The following OARD1 variants were observed in gnomAD, a reference collection of about 807,000 sequenced individuals.
OARD1 encodes the protein ADP-ribose glycohydrolase OARD1.
Under a neutral mutation model 19.7 loss-of-function variants are expected in OARD1, and 19 were observed. That is an observed-to-expected ratio of 0.96 (90% CI 0.67 to 1.41). The LOEUF (loss-of-function observed/expected upper bound fraction) is 1.41, where lower values mean the gene tolerates loss of function less well. Ranked by LOEUF, OARD1 falls within the 40% of genes most tolerant of loss-of-function variation. The pLI is 0.00. For synonymous variants in OARD1, 70 were observed against 61.8 expected (o/e 1.13, Z -0.62); for missense variants, 190 against 183.8 (o/e 1.03, Z -0.20).
At position 41,078,253 on chromosome 6, in the gene OARD1, G is replaced by T. The variant is rs1048538914; in HGVS notation, c.-41-6578C>A. Among the ~76,000 whole-genome samples, 5 of 152,120 alleles carry T rather than the reference G, an allele frequency of 3.3e-5. No individual in the cohort carries two copies. In the East Asian group the frequency reaches 7.7e-4, roughly 23 times the overall value. ...TTGGTTTCTTCTTTCACACTGTATTGAGACACCTTGCAAATGATTAATTCC... is the reference window on the plus strand; with the variant it reads ...TTGGTTTCTTCTTTCACACTGTATTTAGACACCTTGCAAATGATTAATTCC... On this transcript the variant is annotated intron_variant, in intron 1 of 4. Coordinates refer to the OARD1 transcript ENST00000480585.
chr6:41,093,206 T>G lies in OARD1; in HGVS notation c.-42+4507A>C, dbSNP rs1012964290. The G allele has an allele frequency of 2.0e-5, 17 of 832,370 alleles. No homozygotes were observed. The African/African-American group carries it at 2.9e-4, about 14-fold the overall frequency. The allele number at this position is 832,370 out of a possible 1,614,324, so 51.6% of individuals were successfully genotyped here. A position where few individuals can be genotyped will look rare whatever the true frequency, so the allele number is the denominator to read the frequency against. On this transcript the variant is annotated intron_variant, in intron 1 of 4. Coordinates refer to the OARD1 transcript ENST00000480585. ...CAAACAATTGACGTTAGATACTTGT[T>G]GTCTCTTTTGTAAGAGTTAGCATTT...
At chr6:41,079,791 T>C (rs1257462175) in intron 1 of OARD1, among the ~76,000 whole-genome samples, 1 of 152,214 alleles carries the variant, frequency 6.6e-6, no homozygotes, top group Non-Finnish European at 1.5e-5. Flanking sequence ...AAAAATGTAT[T>C]ATGTTTCTAT....
chr6:41,069,998 T>G, intron 4 of OARD1, 78 bp downstream of exon 4: 1 of 860,610 alleles, frequency 1.2e-6, no homozygotes, highest in East Asian at 2.4e-5. Context: ...ACAAATGCAG[T>G]GCAGCCCATC....
chr6:41,088,116 C>T (rs984587267), intron 1 of OARD1, among the ~76,000 whole-genome samples: 1 of 152,102 alleles, frequency 6.6e-6, no homozygotes, highest in Non-Finnish European at 1.5e-5. Flanking sequence ...TAGAAGTTAG[C>T]AGCTTAAAAC....
intron 1 of OARD1, among the ~76,000 whole-genome samples, chr6:41,093,596 G>A (rs1261979476): frequency 6.6e-6 from 1 of 151,926 alleles, no homozygotes; most frequent in East Asian, 1.9e-4. Flanking sequence ...TCAGCCTCCT[G>A]AGTAGCTGGG....
intron 1 of OARD1, among the ~76,000 whole-genome samples, chr6:41,095,646 G>T (rs562490425): frequency 1.3e-5 from 2 of 152,294 alleles, no homozygotes; most frequent in South Asian, 4.1e-4. Context: ...GCCCAGGCAG[G>T]TCTCAAACTC....
chr6:41,077,839 A>G (rs1312168035), intron 1 of OARD1, among the ~76,000 whole-genome samples: 1 of 152,232 alleles, frequency 6.6e-6, no homozygotes, highest in Non-Finnish European at 1.5e-5. Flanking sequence ...TATGGCCACA[A>G]GTCCTCTTGC....
At chr6:41,073,159 T>C (rs1215202675), upstream of OARD1, 1 of 152,276 alleles carries the variant, frequency 6.6e-6, no homozygotes, top group Non-Finnish European at 1.5e-5. Flanking sequence ...CGCTGACCAC[T>C]CAGGAGAGGC....
At chr6:41,095,855 T>C (rs1200317114) in intron 1 of OARD1, among the ~76,000 whole-genome samples, 1 of 152,252 alleles carries the variant, frequency 6.6e-6, no homozygotes, top group African/African-American at 2.4e-5. Context: ...TTGGACTTAA[T>C]TCTATTTAAG....
At position 41,089,264 on chromosome 6, in the gene OARD1, G is replaced by A. The variant is rs111869791; in HGVS notation, c.-42+8449C>T. Among the ~76,000 whole-genome samples, 313 of 152,276 alleles carry A rather than the reference G, an allele frequency of 2.1e-3. 2 individuals are homozygous for A. Among genetic ancestry groups the A allele is most frequent in the African/African-American group, 7.1e-3 (293 of 41,558 alleles). On this transcript the variant is annotated intron_variant, in intron 1 of 4. Transcript: ENST00000480585. ...CTTCCAAAGTGCAAGGATTACAGGC[G>A]TGAGCCACCACACCCAGCCCAGAGT...
chr6:41,064,812 C>T lies in OARD1; in HGVS notation c.*2523G>A, dbSNP rs543494941. On this transcript the variant is annotated 3_prime_UTR_variant, in exon 6 of 6. Transcript: ENST00000424266. Reference sequence around the variant, plus strand: ...AACTAGCTTCTTTATTAGAGAGGAGCGGGTGAAAAGTAGTAGTTTAATGTT... The same window carrying T: ...AACTAGCTTCTTTATTAGAGAGGAGTGGGTGAAAAGTAGTAGTTTAATGTT... 2.0e-5 allele frequency: 3 copies of T among 152,036 alleles called. No individual in the cohort carries two copies. Among genetic ancestry groups the T allele is most frequent in the African/African-American group, 7.2e-5 (3 of 41,448 alleles). 9.4% of individuals were successfully genotyped at this position (152,036 alleles called of 1,614,324 possible).
At chr6:41,068,986 C>T (rs1189722253) in intron 4 of OARD1, 33 bp from the exon 5 acceptor site, 1 of 1,203,874 alleles carries the variant, frequency 8.3e-7, no homozygotes, top group Non-Finnish European at 1.2e-6. Context: ...TTCATCATCC[C>T]AAAATGATAG....
intron 1 of OARD1, among the ~76,000 whole-genome samples, chr6:41,083,687 C>A (rs543481762): frequency 4.2e-4 from 64 of 152,314 alleles, no homozygotes; most frequent in African/African-American, 1.4e-3. Flanking sequence ...TTCTCTCCAG[C>A]CTTCACTACA....
chr6:41,071,522 T>C (rs1316583448), intron 2 of OARD1, 74 bp downstream of exon 2: 3 of 1,281,366 alleles, frequency 2.3e-6, no homozygotes, highest in Non-Finnish European at 3.4e-6. Flanking sequence ...TTAATTTAAT[T>C]AAAAAGTGTT....
chr6:41,073,684 G>T (rs1014041577), upstream of OARD1, among the ~76,000 whole-genome samples: 5 of 152,042 alleles, frequency 3.3e-5, no homozygotes, highest in African/African-American at 9.7e-5. Context: ...CTGGCAACGG[G>T]GCTGGCCCGC....
rs894901015 is a variant in OARD1 at position 41,064,893 on chromosome 6, G to A, written c.*2442C>T. ...ACATGGTGTTTGATGGTAATGGCAG[G>A]ATGATGTCAAGTCTCTCTTTTTTTT... On this transcript the variant is annotated 3_prime_UTR_variant, in exon 6 of 6. Transcript: ENST00000424266. 1 of 152,116 alleles carries A rather than the reference G, an allele frequency of 6.6e-6. No homozygotes were observed. The highest frequency in any genetic ancestry group is 2.4e-5 in the African/African-American group (1 of 41,422). 9.4% of individuals were successfully genotyped at this position (152,116 alleles called of 1,614,324 possible). A position where few individuals can be genotyped will look rare whatever the true frequency, so the allele number is the denominator to read the frequency against.
chr6:41,080,360 T>G (rs1763872562), intron 1 of OARD1, among the ~76,000 whole-genome samples: 1 of 152,162 alleles, frequency 6.6e-6, no homozygotes, highest in Non-Finnish European at 1.5e-5. Flanking sequence ...GTCATGAAGA[T>G]GATTTCGGTT....
At chr6:41,089,508 G>GA in intron 1 of OARD1, 1 of 1,432,960 alleles carries the variant, frequency 7.0e-7, no homozygotes, top group East Asian at 2.6e-5. Flanking sequence ...GAGAAATGTG[G>GA]ATAACTCTCG....
upstream of OARD1, chr6:41,072,437 A>C (rs1351311330): frequency 6.6e-6 from 1 of 152,316 alleles, no homozygotes; most frequent in Non-Finnish European, 1.5e-5. Flanking sequence ...ACGCGGAGCC[A>C]ATCCCGCCAA....
Sources: gnomAD v4.1 joint callset for allele counts (sites outside exome capture counted in the v4.1 genomes callset) on GRCh38, gnomAD v4.1.1 for gene constraint, MANE v1.5 for transcripts, NCBI Gene and HGNC (gene_info 2026-07-23, HGNC 2026-07-21) for gene names.